MICAL3: variants seen among roughly 807,000 people sequenced by gnomAD.
MICAL3 encodes the protein [F-actin]-monooxygenase MICAL3.
A neutral mutation model predicts 207.4 loss-of-function variants in MICAL3; 62 were observed. The observed-to-expected ratio is 0.30, with a 90% CI of 0.24 to 0.37. MICAL3 has a LOEUF of 0.37. Among genes scored for constraint, MICAL3 ranks in the 10% least tolerant of loss-of-function variants. The pLI is 1.00. For missense variants in MICAL3, 2,368 were observed against 2,635.6 expected (o/e 0.90, Z 2.22); for synonymous variants, 1,077 against 1,069.3 (o/e 1.01, Z -0.14).
chr22:18,000,246 G>A (rs1462363789), intron 1 of MICAL3, among the ~76,000 whole-genome samples: 2 of 148,540 alleles, frequency 1.3e-5, no homozygotes, highest in African/African-American at 2.5e-5. Flanking sequence ...AAGCTTAGGG[G>A]GAAAAAAAAA....
At chr22:17,871,263 A>T (rs545865327) in intron 17 of MICAL3, among the ~76,000 whole-genome samples, 31 of 152,340 alleles carry the variant, frequency 2.0e-4, no homozygotes, top group African/African-American at 7.5e-4. Context: ...AACTGGCAGC[A>T]CATGTTGCCA....
intron 1 of MICAL3, among the ~76,000 whole-genome samples, chr22:17,977,796 G>A (rs1935721953): frequency 6.6e-6 from 1 of 152,144 alleles, no homozygotes; most frequent in South Asian, 2.1e-4. Context: ...GGCCGAGGCA[G>A]GAGGATCACC....
rs139203332 is a variant in MICAL3, at chr22:17,852,811, A to AT, written c.2606-10795dup. On this transcript the variant is annotated intron_variant, in intron 19 of 31. Coordinates refer to ENST00000441493, the MANE Select transcript of MICAL3 (RefSeq NM_015241.3). ...AATGAAGGCCGGGGCTTGGTGGCTC[A>AT]TGCCTGTCATCCCAGCACTTTGGGA... Among the ~76,000 whole-genome samples the AT allele has an allele frequency of 5.9e-3, 900 of 152,336 alleles. 11 individuals carry two copies. The highest frequency in any genetic ancestry group is 0.021 in the African/African-American group (866 of 41,582).
At position 17,932,432 on chromosome 22, in the gene MICAL3, G is replaced by T. The variant is rs576148565; in HGVS notation, c.-74-25546C>A. On this transcript the variant is annotated intron_variant, in intron 1 of 31. Coordinates refer to ENST00000441493, the MANE Select transcript of MICAL3 (RefSeq NM_015241.3). ...CTTTACAGACGAGCAAATGCTGAGA[G>T]ATTTTGTTACCACCAGGCCTGCCTT... Among the ~76,000 whole-genome samples, 51 of 152,316 alleles carry T rather than the reference G, an allele frequency of 3.3e-4. 1 individual carries two copies. The South Asian group carries it at 9.7e-3, about 29-fold the overall frequency.
chr22:17,872,834 C>T (rs375445797), intron 16 of MICAL3: 16 of 1,610,460 alleles, frequency 9.9e-6, no homozygotes, highest in African/African-American at 5.3e-5. Context: ...TCACTCCGCC[C>T]GTGTACATCT....
At chr22:17,797,855 C>T (rs943733935) in intron 29 of MICAL3, among the ~76,000 whole-genome samples, 21 of 152,378 alleles carry the variant, frequency 1.4e-4, no homozygotes, top group African/African-American at 2.6e-4. Context: ...CGGGCAGGCA[C>T]GTCGGCGGGC....
intron 1 of MICAL3, among the ~76,000 whole-genome samples, chr22:18,002,614 C>T (rs552869481): frequency 1.3e-5 from 2 of 152,208 alleles, no homozygotes; most frequent in African/African-American, 4.8e-5. Flanking sequence ...GCCTGGACAA[C>T]AGAGTGAGCC....
chr22:17,866,778 G>A (rs1302120560), intron 17 of MICAL3, among the ~76,000 whole-genome samples: 5 of 152,236 alleles, frequency 3.3e-5, no homozygotes, highest in Admixed American at 1.3e-4. Flanking sequence ...GTGCATCCCC[G>A]TGGGGGGTGT....
At chr22:17,922,935 T>C (rs771227400) in intron 1 of MICAL3, among the ~76,000 whole-genome samples, 3 of 152,156 alleles carry the variant, frequency 2.0e-5, no homozygotes, top group Non-Finnish European at 2.9e-5. Context: ...GTGGAATGTA[T>C]TTTCCCTTGA....
intron 1 of MICAL3, among the ~76,000 whole-genome samples, chr22:17,996,699 T>C (rs1425808563): frequency 2.6e-5 from 4 of 152,082 alleles, no homozygotes; most frequent in Non-Finnish European, 5.9e-5. Flanking sequence ...GAACCAAAGA[T>C]GACAGAGTGC....
intron 16 of MICAL3, among the ~76,000 whole-genome samples, chr22:17,882,917 C>T (rs1008531095): frequency 2.0e-5 from 3 of 152,206 alleles, no homozygotes; most frequent in African/African-American, 4.8e-5. Context: ...ACAAGCTGCG[C>T]TGGCAGGGAC....
At chr22:17,846,715 T>G (rs916637031) in intron 19 of MICAL3, among the ~76,000 whole-genome samples, 4 of 152,208 alleles carry the variant, frequency 2.6e-5, no homozygotes, top group African/African-American at 7.2e-5. Context: ...CATGCCTTAG[T>G]GCAACAACAG....
chr22:17,912,156 G>A (rs1018887272), intron 1 of MICAL3, among the ~76,000 whole-genome samples: 1 of 152,106 alleles, frequency 6.6e-6, no homozygotes, highest in Non-Finnish European at 1.5e-5. Flanking sequence ...ATATGTTAGG[G>A]TATGTTTCTG....
intron 16 of MICAL3, among the ~76,000 whole-genome samples, chr22:17,883,611 TG>T (rs983706481): frequency 3.3e-5 from 5 of 152,224 alleles, no homozygotes; most frequent in African/African-American, 1.2e-4. Context: ...GAAACGCAGC[TG>T]GGGGTCCCAA....
At chr22:17,810,409 G>C (rs1184194829) in intron 28 of MICAL3, among the ~76,000 whole-genome samples, 1 of 151,786 alleles carries the variant, frequency 6.6e-6, no homozygotes, top group African/African-American at 2.4e-5. Context: ...TGTTGGCCAG[G>C]CTGGTCTCGA....
chr22:17,905,651 C>T lies in MICAL3; in HGVS notation c.265-812G>A, dbSNP rs145712893. On this transcript the variant is annotated intron_variant, in intron 2 of 31. Coordinates refer to ENST00000441493, the MANE Select transcript of MICAL3 (RefSeq NM_015241.3). ...ATCCCCTATTGCACAAATTAAAGCT[C>T]GTGAAAGAACATAACGTAGCCATGA... 3.3e-3 allele frequency among the ~76,000 whole-genome samples: 497 copies of T among 152,226 alleles called. 2 individuals are homozygous for T. Among genetic ancestry groups the T allele is most frequent in the African/African-American group, 0.011 (469 of 41,524 alleles).
chr22:18,010,458 T>A (rs1309364964), intron 1 of MICAL3, among the ~76,000 whole-genome samples: 1 of 152,086 alleles, frequency 6.6e-6, no homozygotes, highest in Non-Finnish European at 1.5e-5. Context: ...AAGTGAGACT[T>A]GGATAGAGAG....
At chr22:17,935,585 T>C (rs1933477599) in intron 1 of MICAL3, among the ~76,000 whole-genome samples, 2 of 152,134 alleles carry the variant, frequency 1.3e-5, no homozygotes, top group Admixed American at 1.3e-4. Context: ...AAATGGAATC[T>C]AATTAAACTA....
chr22:18,015,391 G>T (rs761626380), intron 1 of MICAL3, among the ~76,000 whole-genome samples: 1 of 148,176 alleles, frequency 6.7e-6, no homozygotes, highest in Non-Finnish European at 1.5e-5. Context: ...AACAGCAAGA[G>T]AATTTTACAA....
Sources: allele counts gnomAD v4.1 joint callset (sites outside exome capture counted in the v4.1 genomes callset), GRCh38; gene constraint gnomAD v4.1.1; transcripts MANE v1.5; gene names NCBI Gene and HGNC (gene_info 2026-07-23, HGNC 2026-07-21).